AKT3: variants seen among roughly 807,000 people sequenced by gnomAD.
AKT3 encodes RAC-gamma serine/threonine-protein kinase.
AKT3 carries 15 observed loss-of-function variants against 65.3 expected under a neutral mutation model. That is an observed-to-expected ratio of 0.23 (90% CI 0.15 to 0.35). The LOEUF (loss-of-function observed/expected upper bound fraction) is 0.35. Ranked by LOEUF, AKT3 falls within the 10% of genes least tolerant of loss-of-function variation. AKT3 has a pLI of 1.00. For synonymous variants in AKT3, 206 were observed against 183.8 expected (o/e 1.12, Z -0.98); for missense variants, 243 against 576.5 (o/e 0.42, Z 5.92).
chr1:243,698,388 C>T (rs567360375), intron 2 of AKT3, among the ~76,000 whole-genome samples: 1 of 152,072 alleles, frequency 6.6e-6, no homozygotes, highest in East Asian at 1.9e-4. Context: ...TAAAATAGTA[C>T]TGAATACACT....
At chr1:243,734,219 A>T (rs1181385044) in intron 2 of AKT3, among the ~76,000 whole-genome samples, 1 of 152,242 alleles carries the variant, frequency 6.6e-6, no homozygotes, top group Non-Finnish European at 1.5e-5. Context: ...TGTATGTATG[A>T]ATGTGTAAAT....
At chr1:243,516,490 T>C (rs76202145) in intron 12 of AKT3, among the ~76,000 whole-genome samples, 10,159 of 152,292 alleles carry the variant, frequency 0.067, 524 homozygotes, top group Admixed American at 0.17. Flanking sequence ...GCTATCCCAA[T>C]CTTTATTTCC....
chr1:243,693,929 G>T (rs74153938), intron 3 of AKT3, among the ~76,000 whole-genome samples: 5 of 152,144 alleles, frequency 3.3e-5, no homozygotes, highest in African/African-American at 4.8e-5. Context: ...ACAGATGTCA[G>T]ATAGTATTTA....
intron 8 of AKT3, among the ~76,000 whole-genome samples, chr1:243,586,585 T>C (rs1397278496): frequency 6.6e-6 from 1 of 152,166 alleles, no homozygotes; most frequent in Non-Finnish European, 1.5e-5. Flanking sequence ...GCAACATGGA[T>C]GCAGCTGGAG....
chr1:243,738,931 T>TTTCTTGTA (rs1687990892), intron 2 of AKT3, among the ~76,000 whole-genome samples: 2 of 152,296 alleles, frequency 1.3e-5, no homozygotes, highest in East Asian at 3.9e-4. Flanking sequence ...TACCATACAT[T>TTTCTTGTA]TTCTTGTATT....
At chr1:243,717,280 C>T (rs895249278) in intron 2 of AKT3, among the ~76,000 whole-genome samples, 1 of 152,074 alleles carries the variant, frequency 6.6e-6, no homozygotes, top group African/African-American at 2.4e-5. Flanking sequence ...ACTAGGTAAT[C>T]GAAATGTCTT....
chr1:243,510,015 A>G (rs1669919468), intron 13 of AKT3, among the ~76,000 whole-genome samples: 2 of 151,788 alleles, frequency 1.3e-5, no homozygotes, highest in South Asian at 2.1e-4. Flanking sequence ...TAAAATATCT[A>G]CTCCTGGCTT....
chr1:243,533,718 C>T (rs1051538457), intron 12 of AKT3, among the ~76,000 whole-genome samples: 3 of 152,042 alleles, frequency 2.0e-5, no homozygotes, highest in Admixed American at 6.5e-5. Flanking sequence ...AGGCCGGGCG[C>T]GGTGGCTCAC....
chr1:243,834,227 G>A (rs903952962), intron 2 of AKT3, among the ~76,000 whole-genome samples: 1 of 151,908 alleles, frequency 6.6e-6, no homozygotes, highest in African/African-American at 2.4e-5. Flanking sequence ...GTTCATCACA[G>A]CACTACTGAC....
chr1:243,688,305 T>C (rs925723402), intron 3 of AKT3, among the ~76,000 whole-genome samples: 2 of 151,718 alleles, frequency 1.3e-5, no homozygotes, highest in African/African-American at 4.8e-5. Flanking sequence ...GTATAGAACA[T>C]TAAAGAGTAA....
chr1:243,692,568 A>C (rs1275791744), intron 3 of AKT3, among the ~76,000 whole-genome samples: 1 of 150,576 alleles, frequency 6.6e-6, no homozygotes, highest in African/African-American at 2.5e-5. Flanking sequence ...CCCCATCTCT[A>C]CTAAAAAAAA....
chr1:243,685,488 T>C (rs953367676), intron 3 of AKT3, among the ~76,000 whole-genome samples: 2 of 152,178 alleles, frequency 1.3e-5, no homozygotes, highest in African/African-American at 2.4e-5. Flanking sequence ...CAGATGACTG[T>C]AGATGTGTGG....
At chr1:243,553,428 C>G (rs970357596) in intron 10 of AKT3, among the ~76,000 whole-genome samples, 4 of 152,062 alleles carry the variant, frequency 2.6e-5, no homozygotes, top group Non-Finnish European at 5.9e-5. Context: ...TAAACAAAGG[C>G]AATGTAATGG....
intron 8 of AKT3, among the ~76,000 whole-genome samples, chr1:243,605,940 T>G (rs185190482): frequency 6.6e-6 from 1 of 152,154 alleles, no homozygotes; most frequent in Non-Finnish European, 1.5e-5. Context: ...AGTGAGTGAG[T>G]TCTGATGAAA....
intron 12 of AKT3, among the ~76,000 whole-genome samples, chr1:243,524,642 A>T (rs928762240): frequency 6.6e-6 from 1 of 152,244 alleles, no homozygotes; most frequent in Admixed American, 6.5e-5. Context: ...AATCTGTGAG[A>T]TACTTCCTTG....
intron 12 of AKT3, among the ~76,000 whole-genome samples, chr1:243,529,301 A>T (rs1367636025): frequency 2.0e-5 from 3 of 151,684 alleles, no homozygotes; most frequent in Non-Finnish European, 4.4e-5. Flanking sequence ...AAGCTCTTTA[A>T]TTAGGTCAAG....
chr1:243,819,906 G>A (rs569089493), intron 2 of AKT3, among the ~76,000 whole-genome samples: 31 of 152,166 alleles, frequency 2.0e-4, no homozygotes, highest in Admixed American at 1.8e-3. Flanking sequence ...GCAGCCCTAC[G>A]GGAGAGGGGC....
At chr1:243,734,189 T>C (rs577909711) in intron 2 of AKT3, among the ~76,000 whole-genome samples, 12 of 152,130 alleles carry the variant, frequency 7.9e-5, no homozygotes, top group Non-Finnish European at 1.8e-4. Context: ...CAATAAAGTA[T>C]TTATGAAGGA....
At chr1:243,665,467 T>C (rs1490878194) in intron 3 of AKT3, among the ~76,000 whole-genome samples, 1 of 152,216 alleles carries the variant, frequency 6.6e-6, no homozygotes, top group African/African-American at 2.4e-5. Flanking sequence ...TAACTCTTAG[T>C]ATCCACTGCC....
Sources: gnomAD v4.1 joint callset for allele counts (sites outside exome capture counted in the v4.1 genomes callset) on GRCh38, gnomAD v4.1.1 for gene constraint, MANE v1.5 for transcripts, NCBI Gene and HGNC (gene_info 2026-07-23, HGNC 2026-07-21) for gene names.